MED13L: variants seen among roughly 807,000 people sequenced by gnomAD.
MED13L encodes mediator complex subunit 13L.
MED13L carries 7 observed loss-of-function variants against 220.9 expected under a neutral mutation model. The ratio of observed to expected loss-of-function variants is 0.03; its 90% confidence interval spans 0.02 to 0.06. The LOEUF (loss-of-function observed/expected upper bound fraction) is 0.06, where lower values mean the gene tolerates loss of function less well. Ranked by LOEUF, MED13L falls within the 10% of genes least tolerant of loss-of-function variation. The pLI, the probability that MED13L is intolerant of heterozygous loss-of-function variation, is 1.00. For missense variants in MED13L, 1,965 were observed against 2,760.5 expected, an observed-to-expected ratio of 0.71 and a Z score of 6.46; for synonymous variants, 1,011 against 1,015.2, an observed-to-expected ratio of 1.00 and a Z score of 0.08.
intron 2 of MED13L, among the ~76,000 whole-genome samples, chr12:116,200,695 CACTTCAAAG>C (rs1253505396): frequency 2.0e-5 from 3 of 152,182 alleles, no homozygotes; most frequent in South Asian, 2.1e-4. Flanking sequence ...ATACTAAGCA[CACTTCAAAG>C]ACTTCAAAGA....
intron 9 of MED13L, 65 bp downstream of exon 9, chr12:116,012,732 G>A: frequency 2.7e-6 from 3 of 1,121,566 alleles, no homozygotes; most frequent in Non-Finnish European, 1.4e-6. Context: ...TGTGAGGCCA[G>A]GAGATGAATC....
Position 115,996,554 on chromosome 12 carries a change from C to G in MED13L, c.2918G>C (p.Arg973Pro). Residue 973 changes from arginine (R) to proline (P), a missense_variant, in exon 16 of 31, where the codon CGG (arginine) becomes CCG (proline). Physicochemically the swap from Arg to Pro is moderately radical, Grantham distance 103. Around this residue, in one of 10 missense-constraint regions of MED13L, gnomAD observed 233 missense variants for 306.2 expected, o/e 0.76. Coordinates refer to ENST00000281928, the MANE Select transcript of MED13L (RefSeq NM_015335.5). The stretch of plus-strand genomic sequence containing the variant: ...TTTAGGAGGAATTGCCCATGAAGGC[C>G]GAAACAGACAGGCATCAGGTATCTT... ...PLKIPDACLF[R>P]PSWAIPPKIE... 1 of 1,614,066 alleles carries G rather than the reference C, an allele frequency of 6.2e-7. No individual in the cohort carries two copies. Among genetic ancestry groups the G allele is most frequent in the Non-Finnish European group, 8.5e-7 (1 of 1,180,010 alleles).
At chr12:116,269,466 C>CAAAAAAA (rs34100053) in intron 1 of MED13L, among the ~76,000 whole-genome samples, 13 of 69,118 alleles carry the variant, frequency 1.9e-4, no homozygotes, top group Non-Finnish European at 2.0e-4. Flanking sequence ...TTAAACTATG[C>CAAAAAAA]AAAAAAAAAA....
At chr12:116,088,191 G>A (rs1871880089) in intron 4 of MED13L, among the ~76,000 whole-genome samples, 1 of 151,986 alleles carries the variant, frequency 6.6e-6, no homozygotes, top group African/African-American at 2.4e-5. Flanking sequence ...TGTAGCATAG[G>A]GCAGACTGAA....
chr12:115,967,385 T>A (rs1166744548), intron 28 of MED13L, among the ~76,000 whole-genome samples: 1 of 152,092 alleles, frequency 6.6e-6, no homozygotes, highest in Admixed American at 6.6e-5. Context: ...CTCTTGGAGG[T>A]CACCTGGCTG....
chr12:116,264,448 A>G (rs904948313), intron 1 of MED13L, among the ~76,000 whole-genome samples: 2 of 152,234 alleles, frequency 1.3e-5, no homozygotes, highest in African/African-American at 4.8e-5. Flanking sequence ...AACAAAATGG[A>G]AAATTTCTAG....
intron 29 of MED13L, among the ~76,000 whole-genome samples, chr12:115,965,375 T>TGA (rs1876075472): frequency 6.6e-6 from 1 of 152,228 alleles, no homozygotes; most frequent in Admixed American, 6.5e-5. Context: ...ACCTTTGGGC[T>TGA]ATTCCTTAGA....
chr12:116,075,730 G>C (rs192837280), intron 4 of MED13L, among the ~76,000 whole-genome samples: 1 of 152,162 alleles, frequency 6.6e-6, no homozygotes, highest in Non-Finnish European at 1.5e-5. Context: ...CTTTCTGCTG[G>C]CTCCTTCCCT....
chr12:116,157,810 G>A (rs566415817), intron 2 of MED13L, among the ~76,000 whole-genome samples: 1 of 152,240 alleles, frequency 6.6e-6, no homozygotes, highest in East Asian at 1.9e-4. Context: ...TGGAGAAAGG[G>A]GTGAAAATCC....
chr12:116,047,166 A>C (rs1048991216), intron 4 of MED13L, among the ~76,000 whole-genome samples: 11 of 152,154 alleles, frequency 7.2e-5, no homozygotes, highest in Non-Finnish European at 1.5e-4. Flanking sequence ...ACTGAGCAAA[A>C]GAGCAAGACC....
chr12:116,271,452 G>A (rs1363221871), intron 1 of MED13L, among the ~76,000 whole-genome samples: 2 of 151,876 alleles, frequency 1.3e-5, no homozygotes, highest in Non-Finnish European at 2.9e-5. Flanking sequence ...AAATTAGCCA[G>A]ACATGGTGGC....
At chr12:116,086,472 G>T (rs527477849) in intron 4 of MED13L, among the ~76,000 whole-genome samples, 18 of 152,088 alleles carry the variant, frequency 1.2e-4, no homozygotes, top group African/African-American at 3.1e-4. Flanking sequence ...AGTAGAGACG[G>T]AGTTTCTCCA....
intron 1 of MED13L, among the ~76,000 whole-genome samples, chr12:116,259,809 G>C (rs765793535): frequency 1.3e-5 from 2 of 152,152 alleles, no homozygotes; most frequent in Non-Finnish European, 1.5e-5. Context: ...TTCATGTTTT[G>C]TGTTAGACAC....
chr12:116,238,895 G>C (rs1322131890), intron 1 of MED13L, among the ~76,000 whole-genome samples: 1 of 152,156 alleles, frequency 6.6e-6, no homozygotes, highest in East Asian at 1.9e-4. Flanking sequence ...AGGAGTTCGA[G>C]ACCAGCCTGA....
intron 10 of MED13L, 40 bp from the exon 11 acceptor site, chr12:116,007,676 G>GC (rs1879143920): frequency 1.3e-6 from 2 of 1,490,860 alleles, no homozygotes; most frequent in Non-Finnish European, 1.8e-6. Flanking sequence ...GAGCATTTAT[G>GC]CCTTAAAGCA....
intron 3 of MED13L, among the ~76,000 whole-genome samples, chr12:116,097,506 T>C (rs949535622): frequency 1.3e-5 from 2 of 152,200 alleles, no homozygotes; most frequent in Non-Finnish European, 2.9e-5. Flanking sequence ...TGGCTTTGCA[T>C]GTGATAGGCA....
At chr12:116,054,231 C>T (rs923563689) in intron 4 of MED13L, among the ~76,000 whole-genome samples, 2 of 151,960 alleles carry the variant, frequency 1.3e-5, no homozygotes, top group African/African-American at 4.8e-5. Flanking sequence ...CACACACACA[C>T]ACGTACGTCT....
chr12:116,266,844 T>C (rs1872870999), intron 1 of MED13L, among the ~76,000 whole-genome samples: 1 of 152,170 alleles, frequency 6.6e-6, no homozygotes, highest in South Asian at 2.1e-4. Context: ...ACGCTACAGA[T>C]TCGTGGGAGG....
chr12:115,976,349 A>G (rs982132382), intron 23 of MED13L, among the ~76,000 whole-genome samples: 16 of 152,260 alleles, frequency 1.1e-4, no homozygotes, highest in African/African-American at 3.6e-4. Context: ...TGAAAAAACT[A>G]TAAGCAACAA....
Sources: gnomAD v4.1 joint callset for allele counts (sites outside exome capture counted in the v4.1 genomes callset) on GRCh38, gnomAD v4.1.1 for gene constraint, gnomAD v4.1.1 regional missense constraint, MANE v1.5 for transcripts, NCBI Gene and HGNC (gene_info 2026-07-23, HGNC 2026-07-21) for gene names.